The following TBC1D22A variants were observed in gnomAD, a reference collection of about 807,000 sequenced individuals.
TBC1D22A encodes TBC1 domain family member 22A, also known as putative GTPase activator.
In TBC1D22A, 38 loss-of-function variants were observed where a neutral mutation model predicts 60.2. The observed-to-expected ratio is 0.63, with a 90% CI of 0.49 to 0.83. The LOEUF (loss-of-function observed/expected upper bound fraction) is 0.83, where lower values mean the gene tolerates loss of function less well. Ranked by LOEUF, TBC1D22A falls within the 40% of genes least tolerant of loss-of-function variation. The probability of loss-of-function intolerance (pLI) is 0.00; values close to 1 mark genes in which losing one functional copy is unlikely to be tolerated. For synonymous variants in TBC1D22A, 302 were observed against 281.7 expected (o/e 1.07, Z -0.72); for missense variants, 628 against 701.0 (o/e 0.90, Z 1.18).
At chr22:46,813,230 G>C (rs1295596248) in intron 4 of TBC1D22A, among the ~76,000 whole-genome samples, 1 of 152,236 alleles carries the variant, frequency 6.6e-6, no homozygotes, top group East Asian at 1.9e-4. Context: ...GTGTGTGCCT[G>C]TTCCATCAGA....
intron 11 of TBC1D22A, among the ~76,000 whole-genome samples, chr22:47,040,161 G>A (rs1034442074): frequency 1.3e-5 from 2 of 151,960 alleles, no homozygotes; most frequent in Non-Finnish European, 2.9e-5. Flanking sequence ...TAGCCAGGAT[G>A]GTCTCGATCT....
Position 46,794,899 on chromosome 22 carries a change from G to A in TBC1D22A, c.460+1058G>A, listed in dbSNP as rs1314106758. Among the ~76,000 whole-genome samples the A allele has an allele frequency of 2.0e-5, 3 of 152,158 alleles. No homozygotes were observed. The East Asian group carries it at 5.8e-4, about 29-fold the overall frequency. ...CCCTCCAAGGTCTTCTGGGGGCTAG[G>A]GTGCTCTCCCCACATTTCCAGCTGA... On this transcript the variant is annotated intron_variant, in intron 3 of 12. Coordinates refer to ENST00000337137, the MANE Select transcript of TBC1D22A (RefSeq NM_014346.5).
At position 46,946,258 on chromosome 22, in the gene TBC1D22A, C is replaced by T. The variant is rs138354496; in HGVS notation, c.1016-28032C>T. Among the ~76,000 whole-genome samples, 903 of 152,326 alleles carry T rather than the reference C, an allele frequency of 5.9e-3. 3 individuals carry two copies. The highest frequency in any genetic ancestry group is 0.022 in the South Asian group (107 of 4,820). On this transcript the variant is annotated intron_variant, in intron 8 of 12. Transcript: ENST00000337137. ...CTTGGGCCTGTGTGGCTGAACTGAA[C>T]CACGTTCCCATCCTTGGCTGCACAG...
At chr22:46,950,523 C>T (rs1462571701) in intron 8 of TBC1D22A, among the ~76,000 whole-genome samples, 13 of 152,170 alleles carry the variant, frequency 8.5e-5, no homozygotes, top group Non-Finnish European at 1.5e-5. Context: ...GGGCCGATGG[C>T]TGGATGGAGG....
At chr22:47,133,084 C>A (rs568057013) in intron 12 of TBC1D22A, among the ~76,000 whole-genome samples, 1 of 152,354 alleles carries the variant, frequency 6.6e-6, no homozygotes, top group African/African-American at 2.4e-5. Context: ...TAGGCGACGC[C>A]TGTAAAATGT....
chr22:46,922,116 T>G (rs1349112161), intron 8 of TBC1D22A, among the ~76,000 whole-genome samples: 1 of 152,248 alleles, frequency 6.6e-6, no homozygotes, highest in Non-Finnish European at 1.5e-5. Context: ...TAACCAGTTA[T>G]CCCAGCACCA....
chr22:47,058,091 C>T (rs982797039), intron 11 of TBC1D22A, among the ~76,000 whole-genome samples: 1 of 152,192 alleles, frequency 6.6e-6, no homozygotes. Context: ...AAGGACTGCC[C>T]AGCAGATCTG....
At chr22:46,971,083 GT>G (rs2074033300) in intron 8 of TBC1D22A, among the ~76,000 whole-genome samples, 1 of 152,176 alleles carries the variant, frequency 6.6e-6, no homozygotes, top group Non-Finnish European at 1.5e-5. Flanking sequence ...TTCTCCTGGC[GT>G]TTAGAAGACA....
At chr22:47,111,673 G>A in intron 12 of TBC1D22A, 70 bp downstream of exon 12, 1 of 1,389,200 alleles carries the variant, frequency 7.2e-7, no homozygotes, top group Non-Finnish European at 1.0e-6. Context: ...TTACATTTTA[G>A]TTCACAGGGT....
intron 11 of TBC1D22A, among the ~76,000 whole-genome samples, chr22:47,051,859 C>T (rs189230085): frequency 8.5e-5 from 13 of 152,214 alleles, no homozygotes; most frequent in Admixed American, 7.2e-4. Flanking sequence ...TTTGTTTCAG[C>T]GGTGCTCTCC....
intron 4 of TBC1D22A, among the ~76,000 whole-genome samples, chr22:46,829,696 C>G (rs189393075): frequency 2.6e-5 from 4 of 152,168 alleles, no homozygotes; most frequent in Non-Finnish European, 5.9e-5. Flanking sequence ...TTATTCATCC[C>G]GATGGGGCCA....
Position 46,874,562 on chromosome 22 carries a change from CTTTTTTTTTTTTTTT to C in TBC1D22A, c.638-4075_638-4061del, listed in dbSNP as rs747481407. Among the ~76,000 whole-genome samples the C allele has an allele frequency of 1.8e-3, 72 of 40,792 alleles. No homozygotes were observed. The East Asian group carries it at 0.03, about 17-fold the overall frequency. The allele number at this position is 40,792 out of a possible 152,430, so 26.8% of individuals were successfully genotyped here. A position where few individuals can be genotyped will look rare whatever the true frequency, so the allele number is the denominator to read the frequency against. ...TATGTTTGTTTGGCTACAGGTATGT[CTTTTTTTTTTTTTTT>C]TTTTTTTTTTTTTTTGAGACAAAGT... On this transcript the variant is annotated intron_variant, in intron 4 of 12. Coordinates refer to ENST00000337137, the MANE Select transcript of TBC1D22A (RefSeq NM_014346.5).
chr22:47,033,881 T>G (rs906308179), intron 10 of TBC1D22A, among the ~76,000 whole-genome samples: 1 of 152,020 alleles, frequency 6.6e-6, no homozygotes, highest in Admixed American at 6.5e-5. Context: ...TCTGGTGCCT[T>G]TCTTAGGCAC....
intron 4 of TBC1D22A, among the ~76,000 whole-genome samples, chr22:46,854,696 C>T (rs117006149): frequency 0.014 from 2,059 of 152,304 alleles, 32 homozygotes; most frequent in Middle Eastern, 0.034. Context: ...CTTCCCCCTG[C>T]GATGCATTCC....
intron 12 of TBC1D22A, among the ~76,000 whole-genome samples, chr22:47,128,893 G>A (rs2066588788): frequency 1.3e-5 from 2 of 152,210 alleles, no homozygotes; most frequent in African/African-American, 4.8e-5. Context: ...ATATGCATGA[G>A]GCAGGCAAAG....
intron 7 of TBC1D22A, among the ~76,000 whole-genome samples, chr22:46,903,259 G>A (rs135471): frequency 0.012 from 1,877 of 152,246 alleles, 21 homozygotes; most frequent in Non-Finnish European, 0.021. Context: ...GCCATCCCAG[G>A]CTGCAGGCGA....
intron 10 of TBC1D22A, among the ~76,000 whole-genome samples, chr22:47,011,465 G>T (rs2061749816): frequency 6.6e-6 from 1 of 152,118 alleles, no homozygotes; most frequent in African/African-American, 2.4e-5. Flanking sequence ...TTCTTTTTTG[G>T]CTTCGACCAC....
At chr22:46,912,934 C>G (rs1014501662) in intron 8 of TBC1D22A, among the ~76,000 whole-genome samples, 1 of 152,144 alleles carries the variant, frequency 6.6e-6, no homozygotes, top group African/African-American at 2.4e-5. Context: ...AAAATCAAAT[C>G]TTCTTTAATT....
intron 10 of TBC1D22A, among the ~76,000 whole-genome samples, chr22:47,003,666 C>A (rs1238410803): frequency 7.8e-6 from 1 of 128,614 alleles, no homozygotes; most frequent in Non-Finnish European, 1.6e-5. Flanking sequence ...TGTATACACA[C>A]ACACCCCTAC....
Sources: gnomAD v4.1 joint callset for allele counts (sites outside exome capture counted in the v4.1 genomes callset) on GRCh38, gnomAD v4.1.1 for gene constraint, MANE v1.5 for transcripts, NCBI Gene and HGNC (gene_info 2026-07-23, HGNC 2026-07-21) for gene names.